OR51B5: variants seen among roughly 807,000 people sequenced by gnomAD.
OR51B5 encodes the protein olfactory receptor family 51 subfamily B member 5.
For synonymous variants in OR51B5, 186 were observed against 144.8 expected (o/e 1.28, Z -2.04); for missense variants, 456 against 374.6 (o/e 1.22, Z -1.79).
intron 1 of OR51B5, among the ~76,000 whole-genome samples, chr11:5,458,628 T>C (rs1374494368): frequency 6.6e-6 from 1 of 152,220 alleles, no homozygotes; most frequent in African/African-American, 2.4e-5. Context: ...CTCTCTGATT[T>C]CTTTCAACAG....
intron 1 of OR51B5, among the ~76,000 whole-genome samples, chr11:5,372,196 G>A (rs1349480199): frequency 6.6e-6 from 1 of 152,112 alleles, no homozygotes; most frequent in East Asian, 1.9e-4. Context: ...TTGTTTCCAT[G>A]TCTTGGCTAT....
downstream of OR51B5, chr11:5,342,378 G>A (rs930573910): frequency 2.3e-5 from 4 of 173,042 alleles, no homozygotes; most frequent in African/African-American, 4.8e-5. Context: ...GAAATATTCC[G>A]TTTACAGGAA....
chr11:5,380,718 G>A (rs962656047), intron 1 of OR51B5, among the ~76,000 whole-genome samples: 1 of 152,172 alleles, frequency 6.6e-6, no homozygotes, highest in Non-Finnish European at 1.5e-5. Flanking sequence ...TAGTTTTTAT[G>A]TGTTTGTAAG....
chr11:5,440,976 T>G lies in OR51B5; in HGVS notation n.84+64593A>C, dbSNP rs199981071. The G allele has an allele frequency of 1.2e-4, 191 of 1,613,786 alleles. 1 individual carries two copies. Among genetic ancestry groups the G allele is most frequent in the Non-Finnish European group, 1.4e-5 (17 of 1,179,942 alleles). On this transcript the variant is annotated intron_variant and non_coding_transcript_variant, in intron 1 of 4. Transcript: ENST00000415970. ...TTTCATGAGATCTGGATGGAGACAG[T>G]AGGAGTGATGCAAAACATTGCCTTT...
chr11:5,498,276 G>T (rs1851678923), intron 1 of OR51B5, among the ~76,000 whole-genome samples: 1 of 152,200 alleles, frequency 6.6e-6, no homozygotes, highest in African/African-American at 2.4e-5. Flanking sequence ...AGCAGTGGTA[G>T]TTCCTGGACT....
intron 1 of OR51B5, among the ~76,000 whole-genome samples, chr11:5,354,163 T>C (rs970092078): frequency 2.7e-5 from 4 of 149,618 alleles, no homozygotes; most frequent in Non-Finnish European, 6.0e-5. Flanking sequence ...CTAGTTCTTC[T>C]GTCTGTTACT....
chr11:5,341,799 A>T (rs1052816196), downstream of OR51B5, among the ~76,000 whole-genome samples: 1 of 152,180 alleles, frequency 6.6e-6, no homozygotes, highest in Non-Finnish European at 1.5e-5. Flanking sequence ...GCCAGCGTAG[A>T]TATCTGAGGA....
At chr11:5,428,392 T>G (rs1850480760) in intron 1 of OR51B5, among the ~76,000 whole-genome samples, 1 of 152,204 alleles carries the variant, frequency 6.6e-6, no homozygotes, top group South Asian at 2.1e-4. Flanking sequence ...TTAAAAATAC[T>G]TTATTGTTTA....
rs142824981 is a variant in OR51B5 at position 5,429,721 on chromosome 11, C to T, written n.84+75848G>A. On this transcript the variant is annotated intron_variant and non_coding_transcript_variant, in intron 1 of 4. Transcript: ENST00000415970. ...GATAAGAATAAAAGCACCACATGCACGGTAAAGCCACAGAAGCATGAAAGG... is the reference window on the plus strand; with the variant it reads ...GATAAGAATAAAAGCACCACATGCATGGTAAAGCCACAGAAGCATGAAAGG... Among the ~76,000 whole-genome samples the T allele has an allele frequency of 1.5e-3, 220 of 151,644 alleles. 1 individual carries two copies. The highest frequency in any genetic ancestry group is 4.8e-3 in the African/African-American group (199 of 41,338).
chr11:5,480,141 G>A (rs940004592), intron 1 of OR51B5, among the ~76,000 whole-genome samples: 2 of 152,020 alleles, frequency 1.3e-5, no homozygotes, highest in African/African-American at 2.4e-5. Flanking sequence ...AAAGAACAGA[G>A]ATTATAACAA....
At chr11:5,455,292 T>A (rs1045480356) in intron 1 of OR51B5, 1 of 151,722 alleles carries the variant, frequency 6.6e-6, no homozygotes, top group African/African-American at 2.4e-5. Flanking sequence ...ATTTTAACTG[T>A]CTTCCACAAA....
intron 1 of OR51B5, chr11:5,441,565 T>C: frequency 7.4e-7 from 1 of 1,345,638 alleles, no homozygotes; most frequent in East Asian, 2.3e-5. Context: ...GTTGGGAAAC[T>C]TCTTCACTTT....
intron 1 of OR51B5, among the ~76,000 whole-genome samples, chr11:5,474,738 A>C (rs1390582962): frequency 6.6e-6 from 1 of 152,232 alleles, no homozygotes; most frequent in Non-Finnish European, 1.5e-5. Context: ...TGGTTAGTGT[A>C]AACTCATCTT....
At chr11:5,405,538 T>C (rs1850045758) in intron 1 of OR51B5, among the ~76,000 whole-genome samples, 1 of 152,214 alleles carries the variant, frequency 6.6e-6, no homozygotes, top group African/African-American at 2.4e-5. Context: ...ACTTTTTTTT[T>C]TTTCTACATT....
intron 1 of OR51B5, among the ~76,000 whole-genome samples, chr11:5,415,741 C>G (rs1305239122): frequency 2.0e-5 from 3 of 152,016 alleles, no homozygotes; most frequent in Admixed American, 2.0e-4. Context: ...AGTTGAATCT[C>G]TGAATACACC....
chr11:5,405,380 A>C (rs1195935524), intron 1 of OR51B5, among the ~76,000 whole-genome samples: 1 of 152,184 alleles, frequency 6.6e-6, no homozygotes, highest in East Asian at 1.9e-4. Flanking sequence ...ATGTCAACTA[A>C]GCAAGAAATA....
chr11:5,385,084 T>C (rs11604520), intron 1 of OR51B5, among the ~76,000 whole-genome samples: 19,357 of 152,262 alleles, frequency 0.13, 1,351 homozygotes, highest in Non-Finnish European at 0.16. Flanking sequence ...TTACTCATTG[T>C]ATACTGAAAA....
chr11:5,402,578 C>T (rs759117421), intron 1 of OR51B5: 3 of 460,742 alleles, frequency 6.5e-6, no homozygotes, highest in Non-Finnish European at 1.4e-5. Flanking sequence ...GCACTGATCC[C>T]TGAGGATGAT....
At chr11:5,489,135 C>T in intron 1 of OR51B5, 1 of 1,614,006 alleles carries the variant, frequency 6.2e-7, no homozygotes, top group Non-Finnish European at 8.5e-7. Flanking sequence ...ACCATGCTGT[C>T]ATAGGCAGAA....
Sources: allele counts gnomAD v4.1 joint callset (sites outside exome capture counted in the v4.1 genomes callset), GRCh38; gene constraint gnomAD v4.1.1; transcripts MANE v1.5; gene names NCBI Gene and HGNC (gene_info 2026-07-23, HGNC 2026-07-21).